COL24A1: variants seen among roughly 807,000 people sequenced by gnomAD.
COL24A1 encodes the protein collagen alpha-1(XXIV) chain.
A neutral mutation model predicts 253.9 loss-of-function variants in COL24A1; 224 were observed. That is an observed-to-expected ratio of 0.88 (90% CI 0.79 to 0.99). COL24A1 has a LOEUF of 0.99. Among genes scored for constraint, COL24A1 ranks in the 50% least tolerant of loss-of-function variants. The pLI, the probability that COL24A1 is intolerant of heterozygous loss-of-function variation, is 0.00. For synonymous variants in COL24A1, 685 were observed against 673.7 expected (o/e 1.02, Z -0.26); for missense variants, 2,131 against 2,068.5 (o/e 1.03, Z -0.59).
intron 7 of COL24A1, among the ~76,000 whole-genome samples, chr1:86,083,019 C>T (rs1298332890): frequency 3.3e-5 from 5 of 151,820 alleles, no homozygotes; most frequent in Admixed American, 6.6e-5. Flanking sequence ...GTAAACTGGC[C>T]GGGCACGGTG....
chr1:86,033,769 A>G (rs1698776718), intron 13 of COL24A1, 101 bp downstream of exon 13: 1 of 1,077,924 alleles, frequency 9.3e-7, no homozygotes, highest in Non-Finnish European at 1.3e-6. Flanking sequence ...TGTTTTTCCA[A>G]TAGTGTTTAT....
chr1:86,007,213 AAAAC>A (rs138113987), intron 19 of COL24A1, among the ~76,000 whole-genome samples: 25,666 of 151,390 alleles, frequency 0.17, 2,641 homozygotes, highest in African/African-American at 0.28. Flanking sequence ...AAACTGTCTC[AAAAC>A]AAACAAACAA....
At chr1:86,032,634 T>C (rs988831490) in intron 13 of COL24A1, among the ~76,000 whole-genome samples, 1 of 152,176 alleles carries the variant, frequency 6.6e-6, no homozygotes, top group Non-Finnish European at 1.5e-5. Context: ...AGGCACAAAG[T>C]ACATGAATGT....
At chr1:85,849,768 A>G (rs1677548975) in intron 37 of COL24A1, among the ~76,000 whole-genome samples, 1 of 152,218 alleles carries the variant, frequency 6.6e-6, no homozygotes, top group Non-Finnish European at 1.5e-5. Flanking sequence ...ACTAAAATAA[A>G]AAAGTATAAA....
At chr1:86,039,180 T>C (rs1398061838) in intron 12 of COL24A1, among the ~76,000 whole-genome samples, 5 of 152,242 alleles carry the variant, frequency 3.3e-5, no homozygotes, top group African/African-American at 1.2e-4. Context: ...CCAGAGCAAG[T>C]TTCTCTGTTG....
At chr1:86,042,714 C>T (rs2101617819) in intron 12 of COL24A1, among the ~76,000 whole-genome samples, 1 of 152,114 alleles carries the variant, frequency 6.6e-6, no homozygotes, top group East Asian at 1.9e-4. Context: ...CAACTTAATT[C>T]CGTGCTTTGT....
chr1:85,837,741 CA>C (rs984067983), intron 43 of COL24A1, among the ~76,000 whole-genome samples: 3 of 151,928 alleles, frequency 2.0e-5, no homozygotes, highest in East Asian at 1.9e-4. Context: ...GTTAGTGGGT[CA>C]GGGGAAAAGG....
chr1:85,946,546 G>A (rs924119971), intron 24 of COL24A1, among the ~76,000 whole-genome samples: 2 of 151,782 alleles, frequency 1.3e-5, no homozygotes, highest in Non-Finnish European at 2.9e-5. Context: ...TTGTGCAGTA[G>A]TAGCAGTAGT....
chr1:85,769,260 C>G (rs975295781), intron 53 of COL24A1, among the ~76,000 whole-genome samples: 1 of 152,078 alleles, frequency 6.6e-6, no homozygotes. Context: ...TTTGTGTCTT[C>G]AAGGCTACAT....
chr1:85,896,431 T>C, intron 28 of COL24A1, 22 bp from the exon 29 acceptor site: 2 of 1,595,022 alleles, frequency 1.3e-6, no homozygotes, highest in Non-Finnish European at 1.7e-6. Flanking sequence ...AAAAATATCC[T>C]GTTGTTAATT....
At chr1:85,842,288 T>C (rs1190962514) in intron 40 of COL24A1, 52 bp downstream of exon 40, 2 of 1,414,748 alleles carry the variant, frequency 1.4e-6, no homozygotes, top group African/African-American at 2.9e-5. Context: ...GGATATCATC[T>C]TTAATAAAAA....
rs189173541 is a variant in COL24A1, at chr1:86,082,817, G to C, written c.1707+6357C>G. On this transcript the variant is annotated intron_variant, in intron 7 of 59. Coordinates refer to ENST00000370571, the MANE Select transcript of COL24A1 (RefSeq NM_152890.7). The stretch of plus-strand genomic sequence containing the variant: ...TTGGGACCAGAGTGTTTTGGATTTT[G>C]AAATTTTTCAGATTTTGGAACATTT... Among the ~76,000 whole-genome samples the C allele has an allele frequency of 3.5e-3, 532 of 151,396 alleles. 3 individuals are homozygous for C. Among genetic ancestry groups the C allele is most frequent in the African/African-American group, 0.012 (513 of 41,380 alleles).
intron 35 of COL24A1, among the ~76,000 whole-genome samples, chr1:85,873,647 T>C (rs1464038517): frequency 2.6e-5 from 4 of 151,986 alleles, no homozygotes; most frequent in African/African-American, 7.2e-5. Flanking sequence ...ATGAGAACAC[T>C]TGGACACAGG....
intron 19 of COL24A1, among the ~76,000 whole-genome samples, chr1:86,012,135 T>A (rs943588822): frequency 3.3e-5 from 5 of 151,842 alleles, no homozygotes; most frequent in Admixed American, 6.6e-5. Context: ...ATAAAAAAAA[T>A]AAATAAAAAT....
At chr1:86,126,795 A>G (rs1271986942) in intron 2 of COL24A1, among the ~76,000 whole-genome samples, 3 of 152,162 alleles carry the variant, frequency 2.0e-5, no homozygotes, top group East Asian at 3.9e-4. Flanking sequence ...CTTGTTTTCC[A>G]TTTTACTGAT....
intron 19 of COL24A1, among the ~76,000 whole-genome samples, chr1:86,001,918 A>T (rs553561514): frequency 6.6e-6 from 1 of 152,352 alleles, no homozygotes; most frequent in African/African-American, 2.4e-5. Flanking sequence ...TGTCTGGGAA[A>T]AAAGACAGAC....
intron 57 of COL24A1, among the ~76,000 whole-genome samples, chr1:85,740,411 A>G (rs1263460884): frequency 6.6e-6 from 1 of 152,128 alleles, no homozygotes; most frequent in Non-Finnish European, 1.5e-5. Flanking sequence ...TCCCACTATC[A>G]TATCTACCCA....
intron 57 of COL24A1, among the ~76,000 whole-genome samples, chr1:85,739,625 A>C (rs1664397689): frequency 6.6e-6 from 1 of 152,146 alleles, no homozygotes; most frequent in African/African-American, 2.4e-5. Flanking sequence ...CTCCTGGTGT[A>C]ATCATTTACT....
At chr1:86,070,673 T>C (rs529698488) in intron 7 of COL24A1, among the ~76,000 whole-genome samples, 38 of 151,046 alleles carry the variant, frequency 2.5e-4, no homozygotes, top group Non-Finnish European at 4.4e-4. Flanking sequence ...CAGGAGAGAG[T>C]GGCATGACAT....
Sources: allele counts gnomAD v4.1 joint callset (sites outside exome capture counted in the v4.1 genomes callset), GRCh38; gene constraint gnomAD v4.1.1; transcripts MANE v1.5; gene names NCBI Gene and HGNC (gene_info 2026-07-23, HGNC 2026-07-21).